The following CSMD1 variants were observed in gnomAD, a reference collection of about 807,000 sequenced individuals.
CSMD1 encodes the protein CUB and sushi domain-containing protein 1.
A neutral mutation model predicts 417.5 loss-of-function variants in CSMD1; 213 were observed. The ratio of observed to expected loss-of-function variants is 0.51; its 90% CI spans 0.46 to 0.57. CSMD1 has a LOEUF of 0.57. Ranked by LOEUF, CSMD1 falls within the 20% of genes least tolerant of loss-of-function variation. CSMD1 has a pLI of 0.00. For missense variants in CSMD1, 6,923 were observed against 4,529.7 expected (o/e 1.53, Z -15.17); for synonymous variants, 2,862 against 1,736.8 (o/e 1.65, Z -16.11).
chr8:4,864,171 C>T (rs1298035770), intron 1 of CSMD1, among the ~76,000 whole-genome samples: 1 of 151,700 alleles, frequency 6.6e-6, no homozygotes. Flanking sequence ...TTCCCGACAC[C>T]TCAAATAATA....
chr8:3,175,507 G>GCCTGCCTGCTTT (rs149583717), intron 37 of CSMD1, among the ~76,000 whole-genome samples: 2 of 125,830 alleles, frequency 1.6e-5, no homozygotes, highest in African/African-American at 6.0e-5. Context: ...CTGCCTGCCT[G>GCCTGCCTGCTTT]CCTTTTTTCC....
At chr8:4,530,827 T>C (rs968640572) in intron 2 of CSMD1, among the ~76,000 whole-genome samples, 9 of 151,970 alleles carry the variant, frequency 5.9e-5, no homozygotes, top group African/African-American at 1.5e-4. Context: ...CATTCTACTA[T>C]AGGCAGCGCT....
intron 3 of CSMD1, among the ~76,000 whole-genome samples, chr8:4,071,115 CTTT>C (rs201223076): frequency 6.6e-6 from 1 of 150,790 alleles, no homozygotes; most frequent in African/African-American, 2.4e-5. Flanking sequence ...ACTCTTGAGT[CTTT>C]TTTTTTCTTT....
At position 3,478,301 on chromosome 8, in the gene CSMD1, G is replaced by A. The variant is rs149971694; in HGVS notation, c.1449-9477C>T. Among the ~76,000 whole-genome samples, 873 of 152,330 alleles carry A rather than the reference G, an allele frequency of 5.7e-3. 9 individuals carry two copies. Among genetic ancestry groups the A allele is most frequent in the African/African-American group, 0.019 (799 of 41,580 alleles). ...GATGTAATCCAAACCTCTTGATCTTGCAGATCTAAGGGGAAAATAAAAGTT... is the reference window on the plus strand; with the variant it reads ...GATGTAATCCAAACCTCTTGATCTTACAGATCTAAGGGGAAAATAAAAGTT... On this transcript the variant is annotated intron_variant, in intron 11 of 69. Coordinates refer to ENST00000635120, the MANE Select transcript of CSMD1 (RefSeq NM_033225.6).
At chr8:3,639,238 T>A (rs1797190497) in intron 7 of CSMD1, among the ~76,000 whole-genome samples, 1 of 152,244 alleles carries the variant, frequency 6.6e-6, no homozygotes, top group Non-Finnish European at 1.5e-5. Context: ...ACTAGTCCAT[T>A]GACAATGAAA....
intron 1 of CSMD1, among the ~76,000 whole-genome samples, chr8:4,732,285 T>C (rs552043696): frequency 6.6e-6 from 1 of 152,034 alleles, no homozygotes; most frequent in Admixed American, 6.6e-5. Context: ...TGCTAGATTC[T>C]AGAAACCTTA....
intron 26 of CSMD1, among the ~76,000 whole-genome samples, chr8:3,260,879 A>C (rs552423249): frequency 6.6e-6 from 1 of 152,312 alleles, no homozygotes; most frequent in African/African-American, 2.4e-5. Context: ...ACTGGGAGAA[A>C]ATGCTTGAAA....
At chr8:4,169,055 C>T (rs1446463382) in intron 3 of CSMD1, among the ~76,000 whole-genome samples, 1 of 152,158 alleles carries the variant, frequency 6.6e-6, no homozygotes, top group Admixed American at 6.5e-5. Context: ...TCTTTCTGAC[C>T]TCTGGATGTT....
intron 11 of CSMD1, among the ~76,000 whole-genome samples, chr8:3,471,289 G>A (rs1398043678): frequency 2.0e-5 from 3 of 152,230 alleles, no homozygotes; most frequent in Non-Finnish European, 4.4e-5. Context: ...TGAATGAGAG[G>A]TCTCTCTTTT....
intron 1 of CSMD1, among the ~76,000 whole-genome samples, chr8:4,759,617 A>G (rs1224435992): frequency 1.3e-5 from 2 of 151,940 alleles, no homozygotes; most frequent in Non-Finnish European, 2.9e-5. Context: ...CCCTACGTCC[A>G]TGTGTTCTCA....
chr8:4,911,559 A>G (rs1805672142), intron 1 of CSMD1, among the ~76,000 whole-genome samples: 1 of 152,182 alleles, frequency 6.6e-6, no homozygotes, highest in Non-Finnish European at 1.5e-5. Context: ...TACTGCTAAT[A>G]CCTGCCCTCT....
intron 7 of CSMD1, among the ~76,000 whole-genome samples, chr8:3,639,250 T>C (rs78972309): frequency 0.018 from 2,672 of 152,260 alleles, 81 homozygotes; most frequent in African/African-American, 0.058. Flanking sequence ...ACAATGAAAT[T>C]TCTATGAAAT....
At chr8:3,978,251 A>G (rs1473961418) in intron 5 of CSMD1, among the ~76,000 whole-genome samples, 1 of 152,190 alleles carries the variant, frequency 6.6e-6, no homozygotes, top group African/African-American at 2.4e-5. Context: ...CCTCCAGCAG[A>G]GGTGACCTGA....
chr8:3,931,053 T>C (rs1810103054), intron 5 of CSMD1, among the ~76,000 whole-genome samples: 1 of 150,518 alleles, frequency 6.6e-6, no homozygotes, highest in African/African-American at 2.5e-5. Flanking sequence ...TGCGGTATGA[T>C]CGCTGAGATA....
intron 2 of CSMD1, among the ~76,000 whole-genome samples, chr8:4,455,274 G>A (rs1213725944): frequency 3.9e-5 from 6 of 152,112 alleles, no homozygotes; most frequent in Non-Finnish European, 7.4e-5. Flanking sequence ...AATAGGAGAA[G>A]GAGAACTTCA....
intron 1 of CSMD1, among the ~76,000 whole-genome samples, chr8:4,703,011 A>C (rs546489873): frequency 3.3e-5 from 5 of 152,336 alleles, no homozygotes; most frequent in African/African-American, 7.2e-5. Context: ...AAAATGCTGA[A>C]AAGAATCTGG....
rs7822739 is a variant in CSMD1 at position 4,410,911 on chromosome 8, G to C, written c.415+9042C>G. ...AGGTTATAAGTTCAATAAGATCAAT[G>C]AATGTCTTTCTCTTCAGACTAGATT... is the stretch of plus-strand genomic sequence containing the variant. On this transcript the variant is annotated intron_variant, in intron 3 of 69. Transcript: ENST00000635120. 2.2e-3 allele frequency among the ~76,000 whole-genome samples: 330 copies of C among 152,274 alleles called. 1 individual carries two copies. The highest frequency in any genetic ancestry group is 7.1e-3 in the African/African-American group (294 of 41,542).
chr8:4,390,615 G>C (rs1021349947), intron 3 of CSMD1, among the ~76,000 whole-genome samples: 2 of 152,060 alleles, frequency 1.3e-5, no homozygotes, highest in East Asian at 3.9e-4. Context: ...CCGGACTCAC[G>C]CCATTCTCCT....
rs542486343 is a variant in CSMD1 at position 4,447,875 on chromosome 8, C to G, written c.303-27810G>C. Among the ~76,000 whole-genome samples the G allele has an allele frequency of 3.3e-5, 5 of 152,258 alleles. No homozygotes were observed. In the South Asian group the frequency reaches 1.0e-3, roughly 32 times the overall value. ...AAAAGTGTAAGTAGAGGAGGCTCGA[C>G]GAATGTACAATTTTATTGTTCGATT... On this transcript the variant is annotated intron_variant, in intron 2 of 69. Coordinates refer to ENST00000635120, the MANE Select transcript of CSMD1 (RefSeq NM_033225.6).
Sources: allele counts gnomAD v4.1 joint callset (sites outside exome capture counted in the v4.1 genomes callset), GRCh38; gene constraint gnomAD v4.1.1; transcripts MANE v1.5; gene names NCBI Gene and HGNC (gene_info 2026-07-23, HGNC 2026-07-21).